Variants in PRELID2 observed in about 807,000 individuals in gnomAD.
PRELID2 encodes the protein PRELI domain containing 2.
In PRELID2, 25 loss-of-function variants were observed where a neutral mutation model predicts 28.4. The observed-to-expected ratio is 0.88, with a 90% CI of 0.64 to 1.23. The LOEUF (loss-of-function observed/expected upper bound fraction) is 1.23. Among genes scored for constraint, PRELID2 ranks in the 50% most tolerant of loss-of-function variants. PRELID2 has a pLI of 0.00. For missense variants in PRELID2, 201 were observed against 214.4 expected, an observed-to-expected ratio of 0.94 and a Z score of 0.39; for synonymous variants, 76 against 71.6, an observed-to-expected ratio of 1.06 and a Z score of -0.31.
At chr5:145,769,026 C>T (rs1472459967) in intron 5 of PRELID2, among the ~76,000 whole-genome samples, 1 of 152,148 alleles carries the variant, frequency 6.6e-6, no homozygotes, top group African/African-American at 2.4e-5. Context: ...TCAATAGAGT[C>T]CTTTCAAATA....
chr5:145,739,609 T>A (rs537840758), intron 1 of PRELID2, among the ~76,000 whole-genome samples: 8 of 147,510 alleles, frequency 5.4e-5, no homozygotes, highest in Non-Finnish European at 1.2e-4. Context: ...TTCTAAATTA[T>A]GTTTAATAAT....
the PRELID2 span, among the ~76,000 whole-genome samples, chr5:145,346,033 A>C: frequency 6.6e-6 from 1 of 152,236 alleles, no homozygotes; most frequent in Non-Finnish European, 1.5e-5. Context: ...AAACAGAGAA[A>C]GTTAAAGACC....
chr5:145,344,350 A>G, the PRELID2 span, among the ~76,000 whole-genome samples: 18 of 152,202 alleles, frequency 1.2e-4, no homozygotes, highest in South Asian at 3.3e-3. Flanking sequence ...CAGTCAACAT[A>G]TGCAAACTGA....
intron 1 of PRELID2, among the ~76,000 whole-genome samples, chr5:145,645,917 G>A (rs746911646): frequency 2.0e-5 from 3 of 152,176 alleles, no homozygotes; most frequent in Admixed American, 6.5e-5. Context: ...AATCTGACGG[G>A]CTTCCCTTTG....
rs1232450452 is a variant in PRELID2, at chr5:145,790,742, T to G, written c.474+5700A>C. Among the ~76,000 whole-genome samples, 4 of 146,964 alleles carry G rather than the reference T, an allele frequency of 2.7e-5. No homozygotes were observed. In the South Asian group the frequency reaches 8.5e-4, roughly 31 times the overall value. ...GTGTGTATATATATATATATATATA[T>G]ATATCAAAATGCCACATTGTATCCC... On this transcript the variant is annotated intron_variant, in intron 5 of 6. Coordinates refer to ENST00000683046, the MANE Select transcript of PRELID2 (RefSeq NM_205846.3).
At chr5:145,344,673 G>A in the PRELID2 span, among the ~76,000 whole-genome samples, 38,641 of 151,924 alleles carry the variant, frequency 0.25, 5,320 homozygotes, top group African/African-American at 0.37. Context: ...CTTGTAGTGC[G>A]TGAGAGGGAT....
chr5:145,767,136 C>T (rs577592988), intron 5 of PRELID2, among the ~76,000 whole-genome samples: 3 of 137,428 alleles, frequency 2.2e-5, no homozygotes, highest in South Asian at 5.7e-4. Context: ...CCCCACCCCC[C>T]ACCCTGTACC....
chr5:145,417,978 C>T, the PRELID2 span, among the ~76,000 whole-genome samples: 7 of 152,112 alleles, frequency 4.6e-5, no homozygotes, highest in Admixed American at 1.3e-4. Context: ...TGACATGATT[C>T]TATATTTAGA....
chr5:145,790,947 T>C (rs1311710075), intron 5 of PRELID2, among the ~76,000 whole-genome samples: 1 of 149,980 alleles, frequency 6.7e-6, no homozygotes, highest in Non-Finnish European at 1.5e-5. Context: ...CAAACAGATA[T>C]TTATATACCC....
Position 145,665,999 on chromosome 5 carries a change from AAAAG to A in PRELID2, n.70+98928_70+98931del, listed in dbSNP as rs1554082389. Among the ~76,000 whole-genome samples the A allele has an allele frequency of 6.2e-4, 91 of 147,774 alleles. No homozygotes were observed. The Middle Eastern group carries it at 0.014, about 22-fold the overall frequency. On this transcript the variant is annotated intron_variant and non_coding_transcript_variant, in intron 1 of 2. Transcript: ENST00000510259. The stretch of plus-strand genomic sequence containing the variant: ...TTGTCTTTTTTTTAAAAAAAAAAAA[AAAAG>A]AAAGAAAGAAAGAAAGTACTATTTA...
intron 1 of PRELID2, among the ~76,000 whole-genome samples, chr5:145,658,831 A>G (rs972706400): frequency 6.6e-6 from 1 of 152,196 alleles, no homozygotes; most frequent in African/African-American, 2.4e-5. Context: ...TAAATCAATA[A>G]ATAAGCTAGA....
At chr5:145,480,245 A>C (rs1364548477) in intron 1 of PRELID2, among the ~76,000 whole-genome samples, 1 of 152,202 alleles carries the variant, frequency 6.6e-6, no homozygotes, top group East Asian at 1.9e-4. Flanking sequence ...AATATTAGTG[A>C]ATTATGTCAT....
chr5:145,317,675 G>A, the PRELID2 span, among the ~76,000 whole-genome samples: 1 of 152,126 alleles, frequency 6.6e-6, no homozygotes, highest in African/African-American at 2.4e-5. Flanking sequence ...TCCCCATCAT[G>A]GCTAAATCTC....
At chr5:145,256,314 TA>T in the PRELID2 span, among the ~76,000 whole-genome samples, 399 of 152,116 alleles carry the variant, frequency 2.6e-3, 8 homozygotes, top group African/African-American at 9.0e-3. Flanking sequence ...GCATATTTAT[TA>T]TTTTTTTTAA....
chr5:145,373,848 TATG>T, the PRELID2 span, among the ~76,000 whole-genome samples: 440 of 89,656 alleles, frequency 4.9e-3, 14 homozygotes, highest in African/African-American at 0.018. Context: ...ATATAATATA[TATG>T]ATATTATATA....
At chr5:145,506,379 G>C (rs1452713841) in intron 1 of PRELID2, among the ~76,000 whole-genome samples, 1 of 152,102 alleles carries the variant, frequency 6.6e-6, no homozygotes, top group East Asian at 1.9e-4. Flanking sequence ...GCATATTTGT[G>C]CATGGGTCTG....
At chr5:145,391,651 A>G in the PRELID2 span, among the ~76,000 whole-genome samples, 2 of 151,384 alleles carry the variant, frequency 1.3e-5, no homozygotes, top group Non-Finnish European at 2.9e-5. Context: ...AAATTTCTGT[A>G]GAGGGCTTAC....
At chr5:145,642,216 G>A (rs369124335) in intron 1 of PRELID2, among the ~76,000 whole-genome samples, 8 of 152,154 alleles carry the variant, frequency 5.3e-5, no homozygotes, top group Non-Finnish European at 7.4e-5. Context: ...TCTAACTGGC[G>A]TGAGATGGTA....
chr5:145,761,496 A>G (rs915594209), intron 6 of PRELID2, among the ~76,000 whole-genome samples: 29 of 152,324 alleles, frequency 1.9e-4, no homozygotes, highest in African/African-American at 6.3e-4. Context: ...GTCAAACTAT[A>G]AACTTTAGGG....
Sources: gnomAD v4.1 joint callset for allele counts (sites outside exome capture counted in the v4.1 genomes callset) on GRCh38, gnomAD v4.1.1 for gene constraint, MANE v1.5 for transcripts, NCBI Gene and HGNC (gene_info 2026-07-23, HGNC 2026-07-21) for gene names.